Variants in SV2C observed in about 807,000 individuals in gnomAD.
SV2C encodes synaptic vesicle glycoprotein 2C.
SV2C carries 49 observed loss-of-function variants against 79.7 expected under a neutral mutation model. The ratio of observed to expected loss-of-function variants is 0.61; its 90% CI spans 0.49 to 0.78. The LOEUF (loss-of-function observed/expected upper bound fraction) is 0.78, where lower values mean the gene tolerates loss of function less well. SV2C is among the 30% of genes least tolerant of loss of function. The probability of loss-of-function intolerance (pLI) is 0.00; values close to 1 mark genes in which losing one functional copy is unlikely to be tolerated. For missense variants in SV2C, 833 were observed against 912.9 expected (o/e 0.91, Z 1.13); for synonymous variants, 334 against 333.2 (o/e 1.00, Z -0.03).
chr5:76,332,636 C>T lies in SV2C; in HGVS notation c.*7089C>T, dbSNP rs1469853744. On this transcript the variant is annotated 3_prime_UTR_variant, in exon 13 of 13. Coordinates refer to ENST00000502798, the MANE Select transcript of SV2C (RefSeq NM_014979.4). ...CTGTATACAGGTATACTACTACACA[C>T]ACCTTCCCAAGTGACAGTATTTTTG... The T allele has an allele frequency of 1.3e-5, 2 of 152,120 alleles. No individual in the cohort carries two copies. The highest frequency in any genetic ancestry group is 2.1e-4 in the South Asian group (1 of 4,818). 9.4% of individuals were successfully genotyped at this position (152,120 alleles called of 1,614,324 possible). A position where few individuals can be genotyped will look rare whatever the true frequency, so the allele number is the denominator to read the frequency against.
chr5:76,142,473 T>C (rs1191316306), intron 2 of SV2C, among the ~76,000 whole-genome samples: 1 of 152,240 alleles, frequency 6.6e-6, no homozygotes, highest in Non-Finnish European at 1.5e-5. Context: ...TCACATTATT[T>C]CACATAAAGA....
downstream of SV2C, among the ~76,000 whole-genome samples, chr5:76,335,856 A>G (rs1749308831): frequency 6.6e-6 from 1 of 152,166 alleles, no homozygotes; most frequent in Non-Finnish European, 1.5e-5. Context: ...CCGATTTCTC[A>G]ATCCTTTCTC....
chr5:75,970,829 C>T, the SV2C span, among the ~76,000 whole-genome samples: 1 of 152,084 alleles, frequency 6.6e-6, no homozygotes, highest in Non-Finnish European at 1.5e-5. Context: ...TTTTATGAGG[C>T]CAGCATCATC....
chr5:76,074,781 A>G, the SV2C span, among the ~76,000 whole-genome samples: 1 of 152,192 alleles, frequency 6.6e-6, no homozygotes, highest in Non-Finnish European at 1.5e-5. Context: ...TACTGAAGCC[A>G]TTCTGACTTT....
intron 2 of SV2C, among the ~76,000 whole-genome samples, chr5:76,160,293 A>G (rs1214854617): frequency 1.3e-5 from 2 of 152,182 alleles, no homozygotes; most frequent in African/African-American, 4.8e-5. Context: ...AAAGAAGGAC[A>G]AACTAGGAGG....
chr5:76,335,699 G>A (rs1341262671), downstream of SV2C, among the ~76,000 whole-genome samples: 3 of 152,144 alleles, frequency 2.0e-5, no homozygotes, highest in Non-Finnish European at 2.9e-5. Context: ...TTAACCCTGA[G>A]TGGACACAGC....
intron 4 of SV2C, among the ~76,000 whole-genome samples, chr5:76,223,131 G>C (rs1252302855): frequency 6.6e-6 from 1 of 152,000 alleles, no homozygotes; most frequent in Non-Finnish European, 1.5e-5. Context: ...AGAGACCTAA[G>C]CCTTCATCAT....
the SV2C span, among the ~76,000 whole-genome samples, chr5:75,947,901 T>A: frequency 7.2e-5 from 11 of 152,048 alleles, no homozygotes; most frequent in East Asian, 9.7e-4. Flanking sequence ...CATTTTTTTT[T>A]AAAATCAAGA....
At chr5:76,049,555 A>G in the SV2C span, among the ~76,000 whole-genome samples, 1 of 152,200 alleles carries the variant, frequency 6.6e-6, no homozygotes, top group African/African-American at 2.4e-5. Context: ...AAATTTCTGC[A>G]ATGGGTATGG....
intron 12 of SV2C, among the ~76,000 whole-genome samples, chr5:76,304,314 G>GTATC (rs1561308066): frequency 6.6e-6 from 1 of 152,298 alleles, no homozygotes; most frequent in East Asian, 1.9e-4. Context: ...TAATTAGTGA[G>GTATC]TATCTGAAAA....
chr5:76,132,901 A>C (rs980554334), intron 2 of SV2C, among the ~76,000 whole-genome samples: 1 of 151,836 alleles, frequency 6.6e-6, no homozygotes, highest in African/African-American at 2.4e-5. Flanking sequence ...GGTGATTTTT[A>C]ATCTTTTTCA....
intron 1 of SV2C, among the ~76,000 whole-genome samples, chr5:76,091,336 C>A (rs1580258368): frequency 6.6e-6 from 1 of 152,198 alleles, no homozygotes; most frequent in Non-Finnish European, 1.5e-5. Flanking sequence ...TTGTGGCATT[C>A]CCCGCCTGCT....
intron 3 of SV2C, among the ~76,000 whole-genome samples, chr5:76,206,549 G>A (rs917868759): frequency 2.0e-5 from 3 of 152,184 alleles, no homozygotes; most frequent in African/African-American, 7.2e-5. Flanking sequence ...AGAAAGTGAG[G>A]TGTATCTTTC....
At chr5:76,074,637 A>G in the SV2C span, among the ~76,000 whole-genome samples, 2 of 152,002 alleles carry the variant, frequency 1.3e-5, no homozygotes, top group African/African-American at 4.8e-5. Context: ...TTCCTTTCTC[A>G]TCTCTACCCT....
intron 4 of SV2C, among the ~76,000 whole-genome samples, chr5:76,282,905 A>C (rs771392767): frequency 1.3e-5 from 2 of 152,102 alleles, no homozygotes; most frequent in Non-Finnish European, 2.9e-5. Flanking sequence ...CCAGCTACTC[A>C]GGAGGCTAAG....
chr5:76,132,326 G>C lies in SV2C; in HGVS notation c.576G>C (p.Trp192Cys). 1 of 1,609,070 alleles carries C rather than the reference G, an allele frequency of 6.2e-7. No individual in the cohort carries two copies. The highest frequency in any genetic ancestry group is 8.5e-7 in the Non-Finnish European group (1 of 1,176,694). ...DLCIPNSGSG[W>C]LGSIVYLGMM... ...GCATCCCAAATTCAGGATCTGGATGGCTAGGTGAGTGTGTGGTGTCAGTGA... is the reference window on the plus strand; with the variant it reads ...GCATCCCAAATTCAGGATCTGGATGCCTAGGTGAGTGTGTGGTGTCAGTGA... Residue 192 changes from tryptophan (W) to cysteine (C), a missense_variant, in exon 2 of 13, where the codon TGG becomes TGC. By Grantham distance (215) the Trp-to-Cys change is radical. Transcript: ENST00000502798.
the SV2C span, among the ~76,000 whole-genome samples, chr5:75,860,834 G>A: frequency 3.9e-5 from 6 of 152,272 alleles, no homozygotes; most frequent in South Asian, 8.3e-4. Flanking sequence ...AAGCAATGGG[G>A]AAAGGACTCC....
intron 2 of SV2C, among the ~76,000 whole-genome samples, chr5:76,162,045 A>G (rs1364374225): frequency 1.3e-5 from 2 of 152,152 alleles, no homozygotes; most frequent in African/African-American, 2.4e-5. Context: ...TATAGTCTTT[A>G]GACTGATGCT....
chr5:76,074,456 A>G, the SV2C span, among the ~76,000 whole-genome samples: 1 of 152,212 alleles, frequency 6.6e-6, no homozygotes, highest in Non-Finnish European at 1.5e-5. Context: ...TAATATAGGA[A>G]CAAACAACAT....
Sources: gnomAD v4.1 joint callset for allele counts (sites outside exome capture counted in the v4.1 genomes callset) on GRCh38, gnomAD v4.1.1 for gene constraint, MANE v1.5 for transcripts, NCBI Gene and HGNC (gene_info 2026-07-23, HGNC 2026-07-21) for gene names.